TRIP11: variants seen among roughly 807,000 people sequenced by gnomAD.
TRIP11 encodes the protein thyroid receptor-interacting protein 11.
Under a neutral mutation model 223.1 loss-of-function variants are expected in TRIP11, and 148 were observed. That is an observed-to-expected ratio of 0.66 (90% confidence interval 0.58 to 0.76). The LOEUF (loss-of-function observed/expected upper bound fraction) is 0.76. TRIP11 is among the 30% of genes least tolerant of loss of function. The pLI, the probability that TRIP11 is intolerant of heterozygous loss-of-function variation, is 0.00. For synonymous variants in TRIP11, 762 were observed against 772.6 expected, an observed-to-expected ratio of 0.99 and a Z score of 0.23; for missense variants, 2,043 against 2,222.0, an observed-to-expected ratio of 0.92 and a Z score of 1.62.
chr14:92,021,817 AT>A lies in TRIP11; in HGVS notation c.326del (p.His109LeufsTer14). 1 of 1,613,970 alleles carries A rather than the reference AT, an allele frequency of 6.2e-7. No homozygotes were observed. Among genetic ancestry groups the A allele is most frequent in the Non-Finnish European group, 8.5e-7 (1 of 1,180,034 alleles). On this transcript the variant is annotated frameshift_variant, in exon 4 of 21. Coordinates refer to ENST00000267622, the MANE Select transcript of TRIP11 (RefSeq NM_004239.4). LOFTEE classifies it high-confidence loss of function. ...GGAGTGCAATCTGTCTGGCTTTAAG[AT>A]GGCTGATTTCTACCTATATATTTAT... Reference protein sequence around the residue: ...QLQQKEVEISHLKARQIALQD... With the variant: ...QLQQKEVEISXLKARQIALQD...
chr14:92,011,252 G>A (rs2056968383), intron 8 of TRIP11, among the ~76,000 whole-genome samples, 180 bp from the exon 9 acceptor site: 2 of 152,034 alleles, frequency 1.3e-5, no homozygotes, highest in African/African-American at 4.8e-5. Context: ...AGCACTTTGG[G>A]AGGCTGAGGC....
chr14:92,035,549 C>T lies in TRIP11; in HGVS notation c.140-2296G>A, dbSNP rs1465121827. 4.7e-5 allele frequency among the ~76,000 whole-genome samples: 7 copies of T among 149,016 alleles called. No homozygotes were observed. In the South Asian group the frequency reaches 1.5e-3, roughly 32 times the overall value. ...TAATGAGCTTTAAAAAAAAAAAAAT[C>T]GCAAAAAACCTCATTTTTTATTTAT... is the stretch of plus-strand genomic sequence containing the variant. On this transcript the variant is annotated intron_variant, in intron 1 of 20. Transcript: ENST00000267622.
At chr14:92,029,295 T>TTTTA (rs2057232042) in intron 2 of TRIP11, among the ~76,000 whole-genome samples, 4 of 128,070 alleles carry the variant, frequency 3.1e-5, no homozygotes, top group Admixed American at 7.8e-5. Context: ...TTTTTTTTTT[T>TTTTA]TTTTTTTTTT....
chr14:91,979,341 C>T (rs1052619590), intron 16 of TRIP11, among the ~76,000 whole-genome samples: 8 of 151,226 alleles, frequency 5.3e-5, no homozygotes, highest in Non-Finnish European at 1.5e-5. Context: ...AGAGCTGAGC[C>T]TGATAAAAAT....
rs1029762682 is a variant in TRIP11, at chr14:92,019,454, T to C, written c.589-1704A>G. 5.9e-5 allele frequency among the ~76,000 whole-genome samples: 9 copies of C among 152,340 alleles called. No individual in the cohort carries two copies. The East Asian group carries it at 1.7e-3, about 29-fold the overall frequency. ...AGTTTACTGCTTTTTGGAGATAAGA[T>C]GGACAAACAGATCATCCTCTCTAAA... On this transcript the variant is annotated intron_variant, in intron 4 of 20. Transcript: ENST00000267622.
At position 92,039,818 on chromosome 14, in the gene TRIP11, C is replaced by T; in HGVS notation, c.-133G>A. 2 of 1,537,476 alleles carry T rather than the reference C, an allele frequency of 1.3e-6. No individual in the cohort carries two copies. Among genetic ancestry groups the T allele is most frequent in the Non-Finnish European group, 1.8e-6 (2 of 1,139,062 alleles). ...ATACGATAACACAAAGCTGGGTTCT[C>T]AGGCAAGGCCGACTCCAGGTTCTGC... On this transcript the variant is annotated 5_prime_UTR_variant, in exon 1 of 21. Coordinates refer to ENST00000267622, the MANE Select transcript of TRIP11 (RefSeq NM_004239.4).
chr14:91,970,459 G>A (rs1433125800), intron 20 of TRIP11, among the ~76,000 whole-genome samples: 1 of 151,696 alleles, frequency 6.6e-6, no homozygotes, highest in Admixed American at 6.6e-5. Context: ...AGCACAAACA[G>A]GCCTCAATTC....
intron 15 of TRIP11, among the ~76,000 whole-genome samples, chr14:91,990,876 C>G (rs2056663274): frequency 6.6e-6 from 1 of 152,148 alleles, no homozygotes; most frequent in South Asian, 2.1e-4. Context: ...TACTCTGGAT[C>G]CACTAGAAAC....
chr14:92,032,105 C>T (rs1036197096), intron 2 of TRIP11, among the ~76,000 whole-genome samples: 7 of 151,974 alleles, frequency 4.6e-5, no homozygotes, highest in African/African-American at 1.7e-4. Context: ...CAATCTAGAC[C>T]CTAATAATGA....
At chr14:92,024,208 T>C (rs953686203) in intron 3 of TRIP11, among the ~76,000 whole-genome samples, 2 of 152,044 alleles carry the variant, frequency 1.3e-5, no homozygotes, top group Non-Finnish European at 2.9e-5. Context: ...TGAAACCCCA[T>C]CTCTAATAAA....
chr14:91,987,021 A>T (rs2056612113), intron 16 of TRIP11, among the ~76,000 whole-genome samples: 1 of 152,244 alleles, frequency 6.6e-6, no homozygotes, highest in Admixed American at 6.5e-5. Flanking sequence ...TCGGAGTTCA[A>T]ATCTTGCCTC....
At position 92,003,767 on chromosome 14, in the gene TRIP11, A is replaced by AT; in HGVS notation, c.4208dup (p.Asp1403GlufsTer8). ...TTTCCTTAAGTAACTTTTGCAAAAC[A>AT]TCTTGTTTCTCCTTTAGCTGCTTGA... is the stretch of plus-strand genomic sequence containing the variant. On this transcript the variant is annotated frameshift_variant, in exon 11 of 21. Coordinates refer to ENST00000267622, the MANE Select transcript of TRIP11 (RefSeq NM_004239.4). LOFTEE classifies it high-confidence loss of function. 1 of 1,614,198 alleles carries AT rather than the reference A, an allele frequency of 6.2e-7. No individual in the cohort carries two copies.
At chr14:92,020,261 A>T (rs1447366282) in intron 4 of TRIP11, among the ~76,000 whole-genome samples, 3 of 152,064 alleles carry the variant, frequency 2.0e-5, no homozygotes, top group Non-Finnish European at 4.4e-5. Context: ...CAAAAAAAAA[A>T]AGAAAAGAAA....
chr14:92,023,404 C>T (rs74071819), intron 3 of TRIP11, among the ~76,000 whole-genome samples: 1,999 of 152,334 alleles, frequency 0.013, 29 homozygotes, highest in African/African-American at 0.045. Context: ...GTTTCATATA[C>T]ACCTTATACC....
chr14:92,021,527 T>C, intron 4 of TRIP11, 29 bp downstream of exon 4: 2 of 1,612,280 alleles, frequency 1.2e-6, no homozygotes, highest in Non-Finnish European at 1.7e-6. Flanking sequence ...ACTCAAAGTT[T>C]TCAAAAACTC....
intron 1 of TRIP11, among the ~76,000 whole-genome samples, chr14:92,034,012 T>A (rs752770461): frequency 6.6e-6 from 1 of 152,186 alleles, no homozygotes; most frequent in Non-Finnish European, 1.5e-5. Context: ...CCCAAGAGAC[T>A]TTACCCCCAC....
In TRIP11 at chr14:92,005,189, T is replaced by C. The variant is rs770549051; in HGVS notation, c.2787A>G (p.Leu929=). 6.2e-7 allele frequency: 1 copy of C among 1,614,092 alleles called. No individual in the cohort carries two copies. The highest frequency in any genetic ancestry group is 8.5e-7 in the Non-Finnish European group (1 of 1,180,042). The change falls in exon 11 of 21, where the codon CTA becomes CTG. Residue 929 remains leucine, a synonymous_variant. Transcript: ENST00000267622. Reference sequence around the variant, plus strand: ...TCTTTTGCTCTTGTAAAGACTGAAGTAGTTGCATCTTACTCTGGTTTTGAT... The same window carrying C: ...TCTTTTGCTCTTGTAAAGACTGAAGCAGTTGCATCTTACTCTGGTTTTGAT... ...IEDQNQSKMQ[L]LQSLQEQKKE... is the part of the protein sequence containing the mutation.
chr14:92,019,363 C>T (rs1274203578), intron 4 of TRIP11, among the ~76,000 whole-genome samples: 2 of 152,044 alleles, frequency 1.3e-5, no homozygotes, highest in East Asian at 1.9e-4. Context: ...AAATTGATAT[C>T]CCTGAAGGTA....
At chr14:92,038,423 T>G (rs530938798) in intron 1 of TRIP11, among the ~76,000 whole-genome samples, 2 of 152,300 alleles carry the variant, frequency 1.3e-5, no homozygotes, top group African/African-American at 2.4e-5. Flanking sequence ...GCCCTTTCAT[T>G]TCTATCCCCA....
Sources: gnomAD v4.1 joint callset for allele counts (sites outside exome capture counted in the v4.1 genomes callset) on GRCh38, gnomAD v4.1.1 for gene constraint, MANE v1.5 for transcripts, NCBI Gene and HGNC (gene_info 2026-07-23, HGNC 2026-07-21) for gene names.